The following LRFN5 variants were observed in gnomAD, a reference collection of about 807,000 sequenced individuals.
The protein encoded by LRFN5 is leucine-rich repeat and fibronectin type-III domain-containing protein 5.
A neutral mutation model predicts 45.6 loss-of-function variants in LRFN5; 24 were observed. That is an observed-to-expected ratio of 0.53 (90% CI 0.38 to 0.74). The LOEUF is 0.74. Among genes scored for constraint, LRFN5 ranks in the 30% least tolerant of loss-of-function variants. LRFN5 has a pLI of 0.00. For synonymous variants in LRFN5, 340 were observed against 313.8 expected (o/e 1.08, Z -0.88); for missense variants, 776 against 861.5 (o/e 0.90, Z 1.24).
Position 41,643,489 on chromosome 14 carries a change from A to C in LRFN5, c.-197+34927A>C, listed in dbSNP as rs370989955. 7.9e-5 allele frequency among the ~76,000 whole-genome samples: 12 copies of C among 152,242 alleles called. No homozygotes were observed. In the South Asian group the frequency reaches 2.5e-3, roughly 32 times the overall value. ...TACATATCTTCTCGGCACACAAACC[A>C]TGTGTGTTAGCTTCTAAGTTATCTT... On this transcript the variant is annotated intron_variant, in intron 1 of 5. Transcript: ENST00000298119.
At chr14:41,687,920 G>C (rs1882194235) in intron 1 of LRFN5, among the ~76,000 whole-genome samples, 1 of 152,084 alleles carries the variant, frequency 6.6e-6, no homozygotes, top group African/African-American at 2.4e-5. Context: ...ATCTGTACAT[G>C]TATCCCCCTT....
intron 1 of LRFN5, among the ~76,000 whole-genome samples, chr14:41,714,907 T>A (rs181982125): frequency 0.012 from 1,808 of 151,750 alleles, 9 homozygotes; most frequent in Middle Eastern, 0.037. Flanking sequence ...CCTATTTTTT[T>A]AAAAAAAAGT....
chr14:41,798,238 AG>A (rs1043391977), intron 2 of LRFN5, among the ~76,000 whole-genome samples: 10 of 151,862 alleles, frequency 6.6e-5, no homozygotes, highest in African/African-American at 2.4e-4. Flanking sequence ...AATTTGGGGG[AG>A]TAAATCTTGT....
chr14:41,663,371 A>T (rs757817378), intron 1 of LRFN5, among the ~76,000 whole-genome samples: 9 of 152,172 alleles, frequency 5.9e-5, no homozygotes, highest in Non-Finnish European at 1.3e-4. Context: ...GTCACAGCTT[A>T]GCAAAAAGGA....
chr14:41,805,971 A>G (rs1887512233), intron 2 of LRFN5, among the ~76,000 whole-genome samples: 1 of 152,188 alleles, frequency 6.6e-6, no homozygotes, highest in Non-Finnish European at 1.5e-5. Flanking sequence ...TCTTGCAGAC[A>G]GACCTACAGA....
chr14:41,823,210 T>G (rs1244059509), intron 2 of LRFN5, among the ~76,000 whole-genome samples: 4 of 152,072 alleles, frequency 2.6e-5, no homozygotes, highest in Non-Finnish European at 1.5e-5. Context: ...ACTGTATACG[T>G]GTATGTGCTA....
intron 1 of LRFN5, among the ~76,000 whole-genome samples, chr14:41,704,446 C>CTGTGTGTGTGTGTGTGTGTG (rs1233748767): frequency 2.4e-4 from 31 of 126,946 alleles, no homozygotes; most frequent in African/African-American, 1.0e-3. Flanking sequence ...CTCTCTCTCT[C>CTGTGTGTGTGTGTGTGTGTG]TCTGTGTGTG....
intron 1 of LRFN5, among the ~76,000 whole-genome samples, chr14:41,648,735 TC>T (rs1229035234): frequency 6.6e-6 from 1 of 152,056 alleles, no homozygotes; most frequent in Non-Finnish European, 1.5e-5. Context: ...TCACCTCCCC[TC>T]CACTCCGCCC....
intron 1 of LRFN5, among the ~76,000 whole-genome samples, chr14:41,671,617 G>GTTTTT (rs914212982): frequency 0.016 from 1,247 of 77,960 alleles, 181 homozygotes; most frequent in African/African-American, 0.064. Flanking sequence ...TTTTTTTTTC[G>GTTTTT]TTTTTTTTTT....
intron 2 of LRFN5, among the ~76,000 whole-genome samples, chr14:41,797,327 A>G (rs900118144): frequency 1.3e-5 from 2 of 151,738 alleles, no homozygotes; most frequent in Admixed American, 1.3e-4. Context: ...CAGTATTTAG[A>G]CAGTTTTCCT....
chr14:41,724,000 G>A (rs1454899066), intron 1 of LRFN5, among the ~76,000 whole-genome samples: 1 of 152,102 alleles, frequency 6.6e-6, no homozygotes, highest in Non-Finnish European at 1.5e-5. Context: ...GTTAGCTCCA[G>A]GTCTGGAGAG....
chr14:41,635,529 C>T (rs916780519), intron 1 of LRFN5, among the ~76,000 whole-genome samples: 2 of 151,998 alleles, frequency 1.3e-5, no homozygotes, highest in Non-Finnish European at 2.9e-5. Context: ...GAATACTAAG[C>T]GTGCAGTAGG....
intron 1 of LRFN5, among the ~76,000 whole-genome samples, chr14:41,704,307 A>G (rs528238594): frequency 1.3e-5 from 2 of 151,716 alleles, no homozygotes; most frequent in South Asian, 4.2e-4. Flanking sequence ...TTTCCCTGGC[A>G]TTGTCTCATC....
At chr14:41,611,729 A>G (rs995057789) in intron 1 of LRFN5, among the ~76,000 whole-genome samples, 6 of 152,130 alleles carry the variant, frequency 3.9e-5, no homozygotes, top group Non-Finnish European at 8.8e-5. Flanking sequence ...TAATGTGTAT[A>G]TGAGCACACA....
At chr14:41,729,359 A>T (rs1340535687) in intron 1 of LRFN5, among the ~76,000 whole-genome samples, 1 of 152,074 alleles carries the variant, frequency 6.6e-6, no homozygotes, top group Non-Finnish European at 1.5e-5. Flanking sequence ...TTCACCTTCC[A>T]TCATGACTAT....
chr14:41,746,511 CAAAT>C (rs1884925981), intron 1 of LRFN5, among the ~76,000 whole-genome samples: 1 of 151,972 alleles, frequency 6.6e-6, no homozygotes, highest in African/African-American at 2.4e-5. Context: ...GCAATAAAAA[CAAAT>C]AAAGGGGTGA....
intron 1 of LRFN5, among the ~76,000 whole-genome samples, chr14:41,613,783 G>T (rs377046891): frequency 6.6e-6 from 1 of 151,976 alleles, no homozygotes; most frequent in African/African-American, 2.4e-5. Context: ...AATAGCATAT[G>T]TAATCAGGAA....
At chr14:41,708,633 C>A (rs1286000921) in intron 1 of LRFN5, among the ~76,000 whole-genome samples, 1 of 151,826 alleles carries the variant, frequency 6.6e-6, no homozygotes, top group Admixed American at 6.6e-5. Flanking sequence ...TTTTCATTTC[C>A]CACCTCCCTT....
chr14:41,857,615 C>T (rs1889516048), intron 2 of LRFN5, among the ~76,000 whole-genome samples: 1 of 152,178 alleles, frequency 6.6e-6, no homozygotes, highest in Non-Finnish European at 1.5e-5. Context: ...ACATACTAAA[C>T]ACTGTGGTCG....
Sources: gnomAD v4.1 joint callset for allele counts (sites outside exome capture counted in the v4.1 genomes callset) on GRCh38, gnomAD v4.1.1 for gene constraint, MANE v1.5 for transcripts, NCBI Gene and HGNC (gene_info 2026-07-23, HGNC 2026-07-21) for gene names.